P4HA3: variants seen among roughly 807,000 people sequenced by gnomAD.
The protein encoded by P4HA3 is prolyl 4-hydroxylase subunit alpha-3.
Under a neutral mutation model 66.7 loss-of-function variants are expected in P4HA3, and 60 were observed. The ratio of observed to expected loss-of-function variants is 0.90; its 90% CI spans 0.73 to 1.12. The LOEUF (loss-of-function observed/expected upper bound fraction) is 1.12, where lower values mean the gene tolerates loss of function less well. Among genes scored for constraint, P4HA3 ranks in the 50% most tolerant of loss-of-function variants. P4HA3 has a pLI of 0.00. For missense variants in P4HA3, 683 were observed against 685.8 expected (o/e 1.00, Z 0.05); for synonymous variants, 263 against 274.6 (o/e 0.96, Z 0.42).
chr11:74,284,705 T>C (rs1183265265), intron 7 of P4HA3, among the ~76,000 whole-genome samples: 1 of 152,084 alleles, frequency 6.6e-6, no homozygotes, highest in Non-Finnish European at 1.5e-5. Context: ...CACACTTCCT[T>C]CCCCTAGAAG....
At chr11:74,261,258 T>G (rs1045549090) in intron 14 of P4HA3, among the ~76,000 whole-genome samples, 85 of 152,298 alleles carry the variant, frequency 5.6e-4, no homozygotes, top group African/African-American at 1.9e-3. Flanking sequence ...GGTCTGGGGC[T>G]TTTTATGGAC....
intron 10 of P4HA3, among the ~76,000 whole-genome samples, chr11:74,272,717 A>G (rs1860248590): frequency 6.6e-6 from 1 of 152,222 alleles, no homozygotes; most frequent in Admixed American, 6.5e-5. Flanking sequence ...GATGTCTGCT[A>G]TTCTAATGAG....
intron 10 of P4HA3, among the ~76,000 whole-genome samples, chr11:74,272,069 G>A (rs1242782571): frequency 6.6e-6 from 1 of 152,130 alleles, no homozygotes; most frequent in East Asian, 1.9e-4. Context: ...AATCTGTGCT[G>A]AGGCCACATA....
rs1861441526 is a variant in P4HA3, at chr11:74,302,538, A to G, written c.398T>C (p.Leu133Pro). The stretch of plus-strand genomic sequence containing the variant: ...CATCAGGGCCCTTGCTGCTCCCTCA[A>G]GGTCCTCAAAGGCTGGAAGGTCTTG... ...VEQDLPAFEDLEGAARALMRL... is the reference protein window; with the variant it reads ...VEQDLPAFEDPEGAARALMRL... The change falls in exon 3 of 13, where the codon CTT becomes CCT. Residue 133 changes from leucine to proline, a missense_variant. Physicochemically the swap from Leu to Pro is moderately conservative, Grantham distance 98. Coordinates refer to ENST00000331597, the MANE Select transcript of P4HA3 (RefSeq NM_182904.5). 4 of 1,614,076 alleles carry G rather than the reference A, an allele frequency of 2.5e-6. No individual in the cohort carries two copies. Among genetic ancestry groups the G allele is most frequent in the Admixed American group, 1.7e-5 (1 of 60,006 alleles).
chr11:74,253,108 C>T (rs1214923032), intron 15 of P4HA3, among the ~76,000 whole-genome samples: 1 of 152,124 alleles, frequency 6.6e-6, no homozygotes, highest in Non-Finnish European at 1.5e-5. Context: ...ATTCCAGGGC[C>T]TGGGAGATGA....
In P4HA3 at chr11:74,304,330, G is replaced by A. The variant is rs753221508; in HGVS notation, c.283C>T (p.Arg95Cys). Residue 95 changes from arginine (R) to cysteine (C), a missense_variant, in exon 2 of 13, where the codon CGC (arginine) becomes TGC (cysteine). By Grantham distance (180) the Arg-to-Cys change is radical. Coordinates refer to ENST00000331597, the MANE Select transcript of P4HA3 (RefSeq NM_182904.5). ...NPLLAFTLIK[R>C]LQSDWRNVVH... Reference sequence around the variant, plus strand: ...ACATTCCTCCAGTCAGACTGCAGGCGTTTGATGAGAGTAAATGCAAGCAGA... The same window carrying A: ...ACATTCCTCCAGTCAGACTGCAGGCATTTGATGAGAGTAAATGCAAGCAGA... The A allele has an allele frequency of 2.0e-5, 32 of 1,613,898 alleles. No homozygotes were observed. Among genetic ancestry groups the A allele is most frequent in the Admixed American group, 1.8e-4 (11 of 60,000 alleles).
intron 4 of P4HA3, among the ~76,000 whole-genome samples, chr11:74,294,243 T>C (rs1343124739): frequency 2.0e-5 from 3 of 152,246 alleles, no homozygotes; most frequent in Non-Finnish European, 2.9e-5. Context: ...TTGCATCGGC[T>C]ACTGAGGCTT....
rs762395116 is a variant in P4HA3 at position 74,286,368 on chromosome 11, T to C, written c.793A>G (p.Arg265Gly). The C allele has an allele frequency of 1.1e-5, 17 of 1,560,848 alleles. No homozygotes were observed. In the South Asian group the frequency reaches 1.8e-4, roughly 17 times the overall value. ...AGCCTTTCATATTTCAAGACATTCC[T>C]GGCCATCCTCTTATTATCTGGGCCT... is the stretch of plus-strand genomic sequence containing the variant. The part of the protein sequence containing the change: ...LYSPDNKRMA[R>G]NVLKYERLLA... The change falls in exon 6 of 13, where the codon AGG becomes GGG. Residue 265 changes from arginine to glycine, a missense_variant. Transcript: ENST00000331597.
At chr11:74,292,969 G>C (rs552983489) in intron 4 of P4HA3, among the ~76,000 whole-genome samples, 73 of 152,286 alleles carry the variant, frequency 4.8e-4, no homozygotes, top group African/African-American at 1.7e-3. Context: ...GGTCCACTTG[G>C]TGCACAGCTG....
chr11:74,279,549 T>A, intron 7 of P4HA3, 97 bp from the exon 8 acceptor site: 1 of 1,157,440 alleles, frequency 8.6e-7, no homozygotes, highest in Non-Finnish European at 1.3e-6. Flanking sequence ...AGCATCAACA[T>A]AACAGATGCC....
chr11:74,250,961 C>A, intron 15 of P4HA3: 1 of 1,599,934 alleles, frequency 6.3e-7, no homozygotes, highest in Non-Finnish European at 8.5e-7. Context: ...CAGGGAAGTT[C>A]CAGATGCAGG....
At chr11:74,280,736 G>A (rs1043593924) in intron 7 of P4HA3, among the ~76,000 whole-genome samples, 1 of 152,162 alleles carries the variant, frequency 6.6e-6, no homozygotes, top group Non-Finnish European at 1.5e-5. Flanking sequence ...CCCAGCTCTG[G>A]TGCTTCACAG....
intron 15 of P4HA3, among the ~76,000 whole-genome samples, chr11:74,257,353 G>T (rs1177255162): frequency 6.6e-6 from 1 of 152,146 alleles, no homozygotes; most frequent in Non-Finnish European, 1.5e-5. Flanking sequence ...TCAAACTCCT[G>T]ACCTCGAGTG....
chr11:74,258,470 C>T (rs1437675417), intron 15 of P4HA3, among the ~76,000 whole-genome samples: 3 of 152,114 alleles, frequency 2.0e-5, no homozygotes, highest in Admixed American at 2.0e-4. Context: ...ACGTTTACAA[C>T]CTTTGAGACC....
intron 4 of P4HA3, among the ~76,000 whole-genome samples, chr11:74,291,365 TA>T (rs1198354683): frequency 6.6e-6 from 1 of 151,910 alleles, no homozygotes; most frequent in Non-Finnish European, 1.5e-5. Flanking sequence ...TGGGGTTTTC[TA>T]GATATACAAT....
intron 11 of P4HA3, among the ~76,000 whole-genome samples, 179 bp from the exon 12 acceptor site, chr11:74,268,420 G>A (rs957198176): frequency 2.6e-5 from 4 of 152,194 alleles, no homozygotes; most frequent in African/African-American, 9.7e-5. Flanking sequence ...TTCATGCATG[G>A]GTCACTGACA....
intron 1 of P4HA3, among the ~76,000 whole-genome samples, chr11:74,305,780 A>G (rs1282692671): frequency 6.6e-6 from 1 of 152,208 alleles, no homozygotes; most frequent in Non-Finnish European, 1.5e-5. Flanking sequence ...CCTAAATTCA[A>G]TACATATTTC....
intron 7 of P4HA3, 88 bp downstream of exon 7, chr11:74,285,721 G>C: frequency 7.2e-7 from 1 of 1,380,320 alleles, no homozygotes; most frequent in Non-Finnish European, 9.9e-7. Flanking sequence ...GAGGTGTCTA[G>C]TTGTTCAGGT....
At chr11:74,303,594 T>TC (rs1861484556) in intron 2 of P4HA3, among the ~76,000 whole-genome samples, 1 of 151,258 alleles carries the variant, frequency 6.6e-6, no homozygotes, top group Non-Finnish European at 1.5e-5. Context: ...ACTTTTTTTT[T>TC]TTTTGAGACA....
Sources: gnomAD v4.1 joint callset for allele counts (sites outside exome capture counted in the v4.1 genomes callset) on GRCh38, gnomAD v4.1.1 for gene constraint, MANE v1.5 for transcripts, NCBI Gene and HGNC (gene_info 2026-07-23, HGNC 2026-07-21) for gene names.